DLGAP2: variants seen among roughly 807,000 people sequenced by gnomAD.
The protein encoded by DLGAP2 is disks large-associated protein 2.
A neutral mutation model predicts 100.3 loss-of-function variants in DLGAP2; 26 were observed. That is an observed-to-expected ratio of 0.26 (90% CI 0.19 to 0.36). DLGAP2 has a LOEUF of 0.36. Ranked by LOEUF, DLGAP2 falls within the 10% of genes least tolerant of loss-of-function variation. The pLI is 1.00. For missense variants in DLGAP2, 1,858 were observed against 1,453.2 expected (o/e 1.28, Z -4.53); for synonymous variants, 886 against 630.1 (o/e 1.41, Z -6.08).
chr8:1,414,665 T>G (rs940942331), intron 3 of DLGAP2, among the ~76,000 whole-genome samples: 7 of 147,380 alleles, frequency 4.7e-5, no homozygotes, highest in African/African-American at 1.8e-4. Context: ...CCAGGCGTCC[T>G]CTGCCCTCAG....
intron 3 of DLGAP2, among the ~76,000 whole-genome samples, chr8:1,387,741 G>A (rs770840101): frequency 6.6e-6 from 1 of 152,200 alleles, no homozygotes; most frequent in Non-Finnish European, 1.5e-5. Flanking sequence ...GAAGGTTCAG[G>A]TAGGAATGGC....
At chr8:1,291,912 C>A (rs1300846055) in intron 3 of DLGAP2, among the ~76,000 whole-genome samples, 1 of 152,158 alleles carries the variant, frequency 6.6e-6, no homozygotes, top group Non-Finnish European at 1.5e-5. Flanking sequence ...TTGACTATTA[C>A]AAAATGTTCA....
chr8:858,263 A>C (rs1797319717), intron 1 of DLGAP2, among the ~76,000 whole-genome samples: 1 of 152,378 alleles, frequency 6.6e-6, no homozygotes, highest in South Asian at 2.1e-4. Flanking sequence ...GGAATGATCT[A>C]CCAGGCTGTG....
At chr8:1,311,538 A>C (rs73670726) in intron 3 of DLGAP2, among the ~76,000 whole-genome samples, 1 of 152,196 alleles carries the variant, frequency 6.6e-6, no homozygotes, top group African/African-American at 2.4e-5. Flanking sequence ...ACAGAATACC[A>C]GCAAACTTAA....
intron 3 of DLGAP2, among the ~76,000 whole-genome samples, chr8:1,332,836 G>A (rs1464994827): frequency 6.6e-6 from 1 of 152,204 alleles, no homozygotes; most frequent in Non-Finnish European, 1.5e-5. Context: ...CGGGATGAAT[G>A]AAAATACGTG....
intron 1 of DLGAP2, among the ~76,000 whole-genome samples, chr8:816,404 T>C (rs1055651774): frequency 4.6e-5 from 7 of 152,144 alleles, no homozygotes; most frequent in Admixed American, 2.0e-4. Flanking sequence ...GCAGTTCTTA[T>C]AGTGCTGGCT....
chr8:1,646,456 C>T (rs1444912421), intron 8 of DLGAP2, among the ~76,000 whole-genome samples: 1 of 152,304 alleles, frequency 6.6e-6, no homozygotes, highest in Non-Finnish European at 1.5e-5. Context: ...CCATCCATCC[C>T]ACCCATGTTC....
At chr8:1,639,655 G>A (rs1797850424) in intron 8 of DLGAP2, among the ~76,000 whole-genome samples, 1 of 152,244 alleles carries the variant, frequency 6.6e-6, no homozygotes, top group Admixed American at 6.5e-5. Context: ...CAGCACAGAT[G>A]TGCCGTCTCA....
intron 1 of DLGAP2, among the ~76,000 whole-genome samples, chr8:837,189 C>G (rs1028042525): frequency 6.6e-6 from 1 of 152,192 alleles, no homozygotes; most frequent in Non-Finnish European, 1.5e-5. Context: ...TGCGCTCAGG[C>G]CTCGGGATCT....
intron 2 of DLGAP2, among the ~76,000 whole-genome samples, chr8:1,012,618 G>C (rs76893867): frequency 0.47 from 27,131 of 57,200 alleles, 4,506 homozygotes; most frequent in Admixed American, 0.53. Flanking sequence ...CGGCCCCCCC[G>C]ACTTCAGCGG....
intron 1 of DLGAP2, among the ~76,000 whole-genome samples, chr8:759,794 A>C (rs1280206477): frequency 6.6e-6 from 1 of 152,208 alleles, no homozygotes; most frequent in Non-Finnish European, 1.5e-5. Flanking sequence ...TCTCGATAGA[A>C]TTGAAACGTT....
rs549800570 is a variant in DLGAP2 at position 1,183,739 on chromosome 8, C to T, written c.74-75112C>T. The stretch of plus-strand genomic sequence containing the variant: ...GTTATCACCGCCTCCTGGTCCGAGG[C>T]ATCTTTATTAATGAATGTCTGCTCT... On this transcript the variant is annotated intron_variant, in intron 2 of 14. Coordinates refer to ENST00000637795, the MANE Select transcript of DLGAP2 (RefSeq NM_001346810.2). Among the ~76,000 whole-genome samples, 4 of 152,288 alleles carry T rather than the reference C, an allele frequency of 2.6e-5. No homozygotes were observed. In the South Asian group the frequency reaches 6.2e-4, roughly 24 times the overall value.
At chr8:1,182,195 TC>T (rs1797404191) in intron 2 of DLGAP2, among the ~76,000 whole-genome samples, 1 of 152,224 alleles carries the variant, frequency 6.6e-6, no homozygotes, top group African/African-American at 2.4e-5. Flanking sequence ...GTCACGGTGC[TC>T]TAAGCAGGGC....
At chr8:1,606,908 C>T (rs1796818195) in intron 6 of DLGAP2, among the ~76,000 whole-genome samples, 1 of 152,180 alleles carries the variant, frequency 6.6e-6, no homozygotes, top group South Asian at 2.1e-4. Flanking sequence ...TAGTCTCAAA[C>T]TCCTAAGCTC....
At chr8:859,931 G>A (rs1034368335) in intron 1 of DLGAP2, among the ~76,000 whole-genome samples, 3 of 152,156 alleles carry the variant, frequency 2.0e-5, no homozygotes, top group African/African-American at 4.8e-5. Context: ...AACATTTCCA[G>A]TATTGAGGTG....
chr8:1,658,349 T>G (rs1428883156), intron 8 of DLGAP2, among the ~76,000 whole-genome samples: 2 of 152,196 alleles, frequency 1.3e-5, no homozygotes. Context: ...GCCTGACTTC[T>G]TAGGCAGCTT....
rs755405597 is a variant in DLGAP2 at position 1,632,846 on chromosome 8, A to C, written c.1610A>C (p.Asn537Thr). 6 of 1,612,286 alleles carry C rather than the reference A, an allele frequency of 3.7e-6. No homozygotes were observed. The highest frequency in any genetic ancestry group is 5.1e-6 in the Non-Finnish European group (6 of 1,178,756). ...CVSQVSEAEI[N>T]GQFESVCESV... ...TTGCAGGTGAGCGAGGCGGAGATCA[A>C]TGGGCAATTCGAGTCCGTGTGCGAG... Residue 537 changes from asparagine (N) to threonine (T), a missense_variant, in exon 8 of 15, where the codon AAT becomes ACT. Asn to Thr is a moderately conservative substitution (Grantham distance 65). Transcript: ENST00000637795.
intron 4 of DLGAP2, among the ~76,000 whole-genome samples, chr8:1,520,639 G>T (rs1235396827): frequency 6.6e-6 from 1 of 152,084 alleles, no homozygotes; most frequent in East Asian, 1.9e-4. Context: ...CGCTACCTTT[G>T]TAGTTCTGCC....
intron 3 of DLGAP2, among the ~76,000 whole-genome samples, chr8:1,392,186 G>C (rs570831232): frequency 9.2e-5 from 14 of 152,144 alleles, no homozygotes; most frequent in African/African-American, 3.1e-4. Context: ...TTCCAGGCTC[G>C]GGTGCCATTG....
Sources: gnomAD v4.1 joint callset for allele counts (sites outside exome capture counted in the v4.1 genomes callset) on GRCh38, gnomAD v4.1.1 for gene constraint, MANE v1.5 for transcripts, NCBI Gene and HGNC (gene_info 2026-07-23, HGNC 2026-07-21) for gene names.